The following CNBD1 variants were observed in gnomAD, a reference collection of about 807,000 sequenced individuals.
The protein encoded by CNBD1 is cyclic nucleotide-binding domain-containing protein 1.
In CNBD1, 71 loss-of-function variants were observed where a neutral mutation model predicts 54.4. That is an observed-to-expected ratio of 1.30 (90% confidence interval 1.08 to 1.59). The LOEUF is 1.59. CNBD1 is among the 40% of genes most tolerant of loss of function. The probability of loss-of-function intolerance (pLI) is 0.00; values close to 1 mark genes in which losing one functional copy is unlikely to be tolerated. For synonymous variants in CNBD1, 182 were observed against 170.7 expected (o/e 1.07, Z -0.51); for missense variants, 659 against 518.0 (o/e 1.27, Z -2.64).
At chr8:87,418,473 C>G (rs1180621914) in intron 2 of CNBD1, among the ~76,000 whole-genome samples, 1 of 151,908 alleles carries the variant, frequency 6.6e-6, no homozygotes, top group Non-Finnish European at 1.5e-5. Context: ...GGATATAACA[C>G]TTAAAGCACA....
intron 4 of CNBD1, among the ~76,000 whole-genome samples, chr8:87,058,355 G>T (rs71525081): frequency 0.037 from 5,640 of 152,220 alleles, 122 homozygotes; most frequent in Middle Eastern, 0.051. Flanking sequence ...ACCCTTCTGC[G>T]ATCTGGAGGA....
intron 2 of CNBD1, among the ~76,000 whole-genome samples, chr8:87,406,098 T>C (rs1019105387): frequency 2.6e-5 from 4 of 152,116 alleles, no homozygotes; most frequent in Admixed American, 2.0e-4. Flanking sequence ...TCATTTGAAA[T>C]ATGTATTTTC....
At chr8:87,227,670 A>T (rs1300453103) in intron 5 of CNBD1, among the ~76,000 whole-genome samples, 2 of 143,328 alleles carry the variant, frequency 1.4e-5, no homozygotes, top group South Asian at 2.2e-4. Flanking sequence ...GGCTGCCCTT[A>T]ACATTTTTTC....
chr8:87,194,800 G>A (rs897578276), intron 4 of CNBD1, among the ~76,000 whole-genome samples: 4 of 151,468 alleles, frequency 2.6e-5, no homozygotes, highest in Admixed American at 6.6e-5. Flanking sequence ...GTGTATGTGT[G>A]TTTTGTGTGC....
intron 4 of CNBD1, among the ~76,000 whole-genome samples, chr8:87,007,227 T>C (rs1809122070): frequency 6.6e-6 from 1 of 152,006 alleles, no homozygotes; most frequent in Non-Finnish European, 1.5e-5. Flanking sequence ...TTAAAACTTA[T>C]TACTGATTTT....
chr8:87,362,212 A>G (rs558156351), intron 10 of CNBD1, among the ~76,000 whole-genome samples: 35 of 152,084 alleles, frequency 2.3e-4, no homozygotes, highest in South Asian at 4.1e-4. Context: ...CATGAAGACC[A>G]TATTTTGGTT....
At chr8:86,924,082 A>G (rs1175522858) in intron 3 of CNBD1, among the ~76,000 whole-genome samples, 3 of 152,212 alleles carry the variant, frequency 2.0e-5, no homozygotes, top group African/African-American at 7.2e-5. Flanking sequence ...GTGGCAGGAA[A>G]TGTACCTCCC....
rs1475430630 is a variant in CNBD1 at position 87,415,915 on chromosome 8, C to T, written c.214-12631C>T. On this transcript the variant is annotated intron_variant, in intron 2 of 7. Transcript: ENST00000521593. The stretch of plus-strand genomic sequence containing the variant: ...CAAAACAAATTTCAACTATATACTG[C>T]TTATAAGAAACAAATGACATAAAAA... Among the ~76,000 whole-genome samples the T allele has an allele frequency of 3.3e-5, 5 of 151,724 alleles. No individual in the cohort carries two copies. The East Asian group carries it at 9.7e-4, about 30-fold the overall frequency.
At chr8:87,117,340 A>C (rs1302847577) in intron 4 of CNBD1, among the ~76,000 whole-genome samples, 1 of 149,600 alleles carries the variant, frequency 6.7e-6, no homozygotes, top group African/African-American at 2.5e-5. Flanking sequence ...CAGAGGTTGC[A>C]GTGAGCCGAG....
At chr8:87,011,140 G>T (rs1809211598) in intron 4 of CNBD1, among the ~76,000 whole-genome samples, 1 of 150,586 alleles carries the variant, frequency 6.6e-6, no homozygotes, top group Non-Finnish European at 1.5e-5. Context: ...TACTTTTGTA[G>T]GGTTTTCAGT....
chr8:87,254,168 CA>C (rs1807962725), intron 6 of CNBD1, among the ~76,000 whole-genome samples: 1 of 152,090 alleles, frequency 6.6e-6, no homozygotes, highest in South Asian at 2.1e-4. Context: ...AGTTCTCAGG[CA>C]ACGCAGCCAC....
intron 8 of CNBD1, among the ~76,000 whole-genome samples, chr8:87,335,324 A>G (rs1809922223): frequency 6.6e-6 from 1 of 152,112 alleles, no homozygotes; most frequent in Non-Finnish European, 1.5e-5. Context: ...TCCTACTATT[A>G]CTGTGTGGGA....
chr8:86,977,756 A>G (rs1808375507), intron 4 of CNBD1, among the ~76,000 whole-genome samples: 1 of 152,284 alleles, frequency 6.6e-6, no homozygotes, highest in East Asian at 1.9e-4. Context: ...AAGGTCTGCT[A>G]TCAAAGAAAA....
chr8:87,129,120 A>G (rs968317977), intron 4 of CNBD1, among the ~76,000 whole-genome samples: 3 of 145,254 alleles, frequency 2.1e-5, no homozygotes, highest in African/African-American at 7.6e-5. Context: ...AAGGATATGA[A>G]TCTGTAATTT....
intron 4 of CNBD1, among the ~76,000 whole-genome samples, chr8:86,976,384 C>T (rs958819761): frequency 6.6e-6 from 1 of 151,634 alleles, no homozygotes; most frequent in Admixed American, 6.6e-5. Context: ...AGTCTTTAAT[C>T]CATTTTGAGT....
At chr8:86,977,836 C>G (rs1303359653) in intron 4 of CNBD1, among the ~76,000 whole-genome samples, 2 of 152,122 alleles carry the variant, frequency 1.3e-5, no homozygotes, top group East Asian at 3.9e-4. Flanking sequence ...ATCATTCTCA[C>G]ACTCTTTCAA....
At chr8:87,101,806 TAGA>T (rs1240679994) in intron 4 of CNBD1, among the ~76,000 whole-genome samples, 1 of 152,068 alleles carries the variant, frequency 6.6e-6, no homozygotes, top group Non-Finnish European at 1.5e-5. Flanking sequence ...AAGGTAATCA[TAGA>T]AGAAGTATAA....
intron 1 of CNBD1, among the ~76,000 whole-genome samples, chr8:86,870,445 C>T (rs182018710): frequency 6.6e-6 from 1 of 151,998 alleles, no homozygotes; most frequent in Non-Finnish European, 1.5e-5. Flanking sequence ...GATCCACCCG[C>T]CTCGGCCTCT....
At position 86,995,082 on chromosome 8, in the gene CNBD1, G is replaced by A. The variant is rs546623234; in HGVS notation, c.431+55328G>A. Among the ~76,000 whole-genome samples, 29 of 152,228 alleles carry A rather than the reference G, an allele frequency of 1.9e-4. 1 individual carries two copies. The highest frequency in any genetic ancestry group is 1.8e-3 in the Admixed American group (28 of 15,284). The stretch of plus-strand genomic sequence containing the variant: ...TTTTAGAGGCATCAAATAACTGAGA[G>A]GAGGCTTATAAAGCTTGGTGGGGAT... On this transcript the variant is annotated intron_variant, in intron 4 of 10. Coordinates refer to ENST00000518476, the MANE Select transcript of CNBD1 (RefSeq NM_173538.3).
Sources: gnomAD v4.1 joint callset for allele counts (sites outside exome capture counted in the v4.1 genomes callset) on GRCh38, gnomAD v4.1.1 for gene constraint, MANE v1.5 for transcripts, NCBI Gene and HGNC (gene_info 2026-07-23, HGNC 2026-07-21) for gene names.